The following SNX30 variants were observed in gnomAD, a reference collection of about 807,000 sequenced individuals.
SNX30 encodes the protein sorting nexin family member 30.
A neutral mutation model predicts 46.4 loss-of-function variants in SNX30; 24 were observed. The observed-to-expected ratio is 0.52, with a 90% CI of 0.37 to 0.73. The LOEUF (loss-of-function observed/expected upper bound fraction) is 0.73, where lower values mean the gene tolerates loss of function less well. SNX30 is among the 30% of genes least tolerant of loss of function. SNX30 has a pLI of 0.00. For synonymous variants in SNX30, 189 were observed against 211.5 expected (o/e 0.89, Z 0.92); for missense variants, 533 against 555.7 (o/e 0.96, Z 0.41).
intron 3 of SNX30, among the ~76,000 whole-genome samples, chr9:112,824,941 A>C (rs1791171752): frequency 6.6e-6 from 1 of 152,138 alleles, no homozygotes; most frequent in Non-Finnish European, 1.5e-5. Flanking sequence ...TTTAATCCAG[A>C]ACATTTTCAT....
intron 2 of SNX30, among the ~76,000 whole-genome samples, chr9:112,806,925 A>G (rs1489271673): frequency 1.3e-5 from 2 of 151,952 alleles, no homozygotes; most frequent in African/African-American, 4.8e-5. Context: ...CCATGTTCAT[A>G]TGACCATGTC....
chr9:112,804,949 CTA>C lies in SNX30; in HGVS notation c.333_334del (p.Tyr111Ter). ...TGTGTACAATGGAGACTTACATCAC[CTA>C]TAGGATCACCACCAAAGTAGGTCCC... The part of the protein sequence containing the change: ...HVCTMETYIT[Y>X]RITTKSTRVE... On this transcript the variant is annotated frameshift_variant, in exon 2 of 9. Transcript: ENST00000374232. LOFTEE classifies it high-confidence loss of function. 6.2e-7 allele frequency: 1 copy of C among 1,600,638 alleles called. No homozygotes were observed. Among genetic ancestry groups the C allele is most frequent in the South Asian group, 1.1e-5 (1 of 89,140 alleles).
chr9:112,838,754 G>A, intron 6 of SNX30, 57 bp downstream of exon 6: 1 of 1,513,250 alleles, frequency 6.6e-7, no homozygotes, highest in African/African-American at 1.4e-5. Context: ...GCAGTTATCA[G>A]AAAGTAATGG....
chr9:112,772,782 A>G (rs1839672792), intron 1 of SNX30, among the ~76,000 whole-genome samples: 1 of 152,242 alleles, frequency 6.6e-6, no homozygotes, highest in Admixed American at 6.5e-5. Flanking sequence ...ACATAAACGA[A>G]TATGTCTTCA....
At chr9:112,812,673 G>A (rs1840338114) in intron 2 of SNX30, among the ~76,000 whole-genome samples, 1 of 152,162 alleles carries the variant, frequency 6.6e-6, no homozygotes, top group Admixed American at 6.5e-5. Context: ...TGAGCATTGT[G>A]TGTGTGTGAG....
Position 112,874,418 on chromosome 9 carries a change from A to G in SNX30, c.*5575A>G, listed in dbSNP as rs1841491509. ...AAATAAACTGCCAGCAAACTTTCTA[A>G]CTTGTATTTTAACTGTTAAAGAAGA... On this transcript the variant is annotated 3_prime_UTR_variant, in exon 9 of 9. Transcript: ENST00000374232. 6.6e-6 allele frequency: 1 copy of G among 152,184 alleles called. No homozygotes were observed. The highest frequency in any genetic ancestry group is 6.5e-5 in the Admixed American group (1 of 15,276). 9.4% of individuals were successfully genotyped at this position (152,184 alleles called of 1,614,324 possible).
intron 1 of SNX30, among the ~76,000 whole-genome samples, chr9:112,771,143 C>T (rs1407527904): frequency 1.3e-5 from 2 of 152,084 alleles, no homozygotes; most frequent in African/African-American, 4.8e-5. Flanking sequence ...CAGTACTGTG[C>T]TGTAAACTTC....
At chr9:112,825,778 T>C (rs1286043690) in intron 3 of SNX30, among the ~76,000 whole-genome samples, 1 of 152,204 alleles carries the variant, frequency 6.6e-6, no homozygotes, top group African/African-American at 2.4e-5. Context: ...TGATGTGGTT[T>C]ACAGACTATA....
At chr9:112,820,884 A>G (rs982033663) in intron 3 of SNX30, among the ~76,000 whole-genome samples, 1 of 152,288 alleles carries the variant, frequency 6.6e-6, no homozygotes, top group African/African-American at 2.4e-5. Flanking sequence ...TTATTGCCAT[A>G]TAATATTCTA....
At chr9:112,848,896 G>C (rs1187903354) in intron 6 of SNX30, among the ~76,000 whole-genome samples, 1 of 152,182 alleles carries the variant, frequency 6.6e-6, no homozygotes, top group Non-Finnish European at 1.5e-5. Flanking sequence ...TAGTCCCAGG[G>C]GTCTTGCAAC....
intron 4 of SNX30, among the ~76,000 whole-genome samples, chr9:112,834,042 C>T (rs554673515): frequency 1.3e-4 from 19 of 151,734 alleles, no homozygotes; most frequent in Non-Finnish European, 2.1e-4. Context: ...GCAAGGCCCT[C>T]GGTTGGGGGA....
At chr9:112,811,841 T>G (rs759309038) in intron 2 of SNX30, among the ~76,000 whole-genome samples, 8 of 152,316 alleles carry the variant, frequency 5.3e-5, no homozygotes, top group Non-Finnish European at 1.2e-4. Context: ...TTTTAAAAAA[T>G]TGTTTACTAT....
At chr9:112,795,765 T>TCTCACACACACACACACACACA (rs34877094) in intron 1 of SNX30, among the ~76,000 whole-genome samples, 26 of 123,216 alleles carry the variant, frequency 2.1e-4, no homozygotes, top group Non-Finnish European at 3.5e-4. Context: ...CACAGTACAG[T>TCTCACACACACACACACACACA]CACACACACA....
chr9:112,861,682 C>T (rs1460771478), intron 7 of SNX30, among the ~76,000 whole-genome samples: 2 of 152,178 alleles, frequency 1.3e-5, no homozygotes, highest in Non-Finnish European at 2.9e-5. Flanking sequence ...GCTGCAGTTC[C>T]CTCTCCGTGC....
At chr9:112,827,413 C>T (rs1840593724) in intron 3 of SNX30, among the ~76,000 whole-genome samples, 1 of 152,120 alleles carries the variant, frequency 6.6e-6, no homozygotes, top group Non-Finnish European at 1.5e-5. Context: ...AAAAGATAAA[C>T]CCAGGAAGCA....
At chr9:112,785,014 G>C (rs16917334) in intron 1 of SNX30, among the ~76,000 whole-genome samples, 1,672 of 152,248 alleles carry the variant, frequency 0.011, 26 homozygotes, top group African/African-American at 0.037. Flanking sequence ...TCTAATACGT[G>C]GTTTGGGGGA....
At chr9:112,771,467 C>T (rs567049935) in intron 1 of SNX30, among the ~76,000 whole-genome samples, 8 of 152,100 alleles carry the variant, frequency 5.3e-5, no homozygotes, top group Admixed American at 3.3e-4. Context: ...ATGTATAAAT[C>T]GTGTATAGTC....
downstream of SNX30, among the ~76,000 whole-genome samples, chr9:112,882,789 G>A (rs957195311): frequency 6.6e-6 from 1 of 151,970 alleles, no homozygotes; most frequent in South Asian, 2.1e-4. Flanking sequence ...GGCTTAGGAG[G>A]GTATCAAGAA....
chr9:112,833,389 G>A (rs1840699683), intron 4 of SNX30, among the ~76,000 whole-genome samples: 1 of 152,180 alleles, frequency 6.6e-6, no homozygotes, highest in Non-Finnish European at 1.5e-5. Flanking sequence ...TGTATGTAAT[G>A]GCTCATGCCT....
Sources: allele counts gnomAD v4.1 joint callset (sites outside exome capture counted in the v4.1 genomes callset), GRCh38; gene constraint gnomAD v4.1.1; transcripts MANE v1.5; gene names NCBI Gene and HGNC (gene_info 2026-07-23, HGNC 2026-07-21).